AKNA: variants seen among roughly 807,000 people sequenced by gnomAD.
The protein encoded by AKNA is microtubule organization protein AKNA.
In AKNA, 67 loss-of-function variants were observed where a neutral mutation model predicts 138.8. The ratio of observed to expected loss-of-function variants is 0.48; its 90% CI spans 0.40 to 0.59. The LOEUF (loss-of-function observed/expected upper bound fraction) is 0.59, where lower values mean the gene tolerates loss of function less well. Among genes scored for constraint, AKNA ranks in the 20% least tolerant of loss-of-function variants. AKNA has a pLI of 0.00. For synonymous variants in AKNA, 737 were observed against 754.4 expected, an observed-to-expected ratio of 0.98 and a Z score of 0.38; for missense variants, 1,813 against 1,880.4, an observed-to-expected ratio of 0.96 and a Z score of 0.66.
At chr9:114,367,723 G>C (rs771296102) in intron 5 of AKNA, 26 bp from the exon 6 acceptor site, 34 of 1,530,366 alleles carry the variant, frequency 2.2e-5, no homozygotes, top group Non-Finnish European at 3.0e-5. Flanking sequence ...GCTGAAAGCT[G>C]GGGCCAAGAA....
intron 1 of AKNA, among the ~76,000 whole-genome samples, chr9:114,384,386 C>T (rs971205009): frequency 9.2e-5 from 14 of 152,096 alleles, no homozygotes; most frequent in African/African-American, 2.2e-4. Flanking sequence ...GCTTGGGCAA[C>T]GTGGCAAAAG....
chr9:114,397,038 T>C (rs1834555562), upstream of AKNA, among the ~76,000 whole-genome samples: 1 of 151,926 alleles, frequency 6.6e-6, no homozygotes, highest in Admixed American at 6.6e-5. Flanking sequence ...TCTGGCAGAG[T>C]CTGCAGGACG....
Position 114,337,182 on chromosome 9 carries a change from G to C in AKNA, c.4192C>G (p.Leu1398Val), listed in dbSNP as rs766488777. Residue 1398 changes from leucine to valine, a missense_variant, in exon 22 of 22, where the codon CTC becomes GTC. Coordinates refer to ENST00000374088, the MANE Select transcript of AKNA (RefSeq NM_001317950.2). ...ACGGCCCGGCTCAGGGCCTTGTTGA[G>C]CTCCTCTAGGTCGCCCAGGTCGAGC... ...IQLDLGDLEELNKALSRAVQA... is the reference protein window; with the variant it reads ...IQLDLGDLEEVNKALSRAVQA... 1 of 1,609,992 alleles carries C rather than the reference G, an allele frequency of 6.2e-7. No individual in the cohort carries two copies. Among genetic ancestry groups the C allele is most frequent in the East Asian group, 2.2e-5 (1 of 44,770 alleles).
chr9:114,343,297 A>C (rs910112186), intron 19 of AKNA, among the ~76,000 whole-genome samples: 5 of 152,212 alleles, frequency 3.3e-5, no homozygotes, highest in African/African-American at 1.2e-4. Context: ...GAACTGGCCT[A>C]AGGTCACACA....
At chr9:114,352,487 C>T (rs1278001657) in intron 14 of AKNA, among the ~76,000 whole-genome samples, 2 of 151,920 alleles carry the variant, frequency 1.3e-5, no homozygotes, top group Admixed American at 6.6e-5. Context: ...GTCCCAGCTA[C>T]TCGCGAGGCT....
chr9:114,372,096 G>A (rs1832808009), intron 4 of AKNA, among the ~76,000 whole-genome samples: 1 of 152,200 alleles, frequency 6.6e-6, no homozygotes, highest in Non-Finnish European at 1.5e-5. Flanking sequence ...AGATGGGGTT[G>A]GGCAGGAGAT....
At chr9:114,368,633 G>A (rs1832551892) in intron 4 of AKNA, 38 bp from the exon 5 acceptor site, 3 of 1,332,738 alleles carry the variant, frequency 2.3e-6, no homozygotes, top group East Asian at 2.8e-5. Flanking sequence ...CCAAGTCAGG[G>A]TAGGGGCAAA....
At chr9:114,349,502 C>T (rs942692088) in intron 15 of AKNA, among the ~76,000 whole-genome samples, 3 of 152,206 alleles carry the variant, frequency 2.0e-5, no homozygotes, top group African/African-American at 7.2e-5. Context: ...CCCGAGAACC[C>T]AGTCCCCATC....
In AKNA at chr9:114,376,871, A is replaced by C; in HGVS notation, c.936T>G (p.Ile312Met). The change falls in exon 3 of 22, where the codon ATT (isoleucine) becomes ATG (methionine). Residue 312 changes from isoleucine to methionine, a missense_variant. By Grantham distance (10) the Ile-to-Met change is conservative. Coordinates refer to ENST00000374088, the MANE Select transcript of AKNA (RefSeq NM_001317950.2). ...TSPKPLPSRFIGSISPLNPQP... is the reference protein window; with the variant it reads ...TSPKPLPSRFMGSISPLNPQP... ...GGGGATTCAGGGGGCTGATGGAGCC[A>C]ATGAATCGGGAAGGGAGTGGCTTAG... The C allele has an allele frequency of 6.2e-7, 1 of 1,614,144 alleles. No homozygotes were observed. Among genetic ancestry groups the C allele is most frequent in the Non-Finnish European group, 8.5e-7 (1 of 1,180,010 alleles).
chr9:114,377,318 A>C lies in AKNA; in HGVS notation c.489T>G (p.Leu163=). 2 of 1,614,118 alleles carry C rather than the reference A, an allele frequency of 1.2e-6. No individual in the cohort carries two copies. The highest frequency in any genetic ancestry group is 1.1e-5 in the South Asian group (1 of 91,080). Reference sequence around the variant, plus strand: ...CCCAGCCCCTGGCCTGACCATGCCCAAGAGCCATGGGGCTGGTGTTTCCAT... The same window carrying C: ...CCCAGCCCCTGGCCTGACCATGCCCCAGAGCCATGGGGCTGGTGTTTCCAT... ...EGHGNTSPMA[L]GHGQARGWVA... Residue 163 remains leucine (L), a synonymous_variant, in exon 3 of 22, where the codon CTT becomes CTG. Coordinates refer to ENST00000374088, the MANE Select transcript of AKNA (RefSeq NM_001317950.2).
chr9:114,388,416 C>T (rs1387730749), upstream of AKNA, among the ~76,000 whole-genome samples: 1 of 152,168 alleles, frequency 6.6e-6, no homozygotes, highest in Non-Finnish European at 1.5e-5. Context: ...GGTGAGAGCT[C>T]AGACTCAACA....
rs200380754 is a variant in AKNA at position 114,377,154 on chromosome 9, G to T, written c.653C>A (p.Thr218Asn). 8.7e-6 allele frequency: 14 copies of T among 1,614,170 alleles called. No individual in the cohort carries two copies. In the East Asian group the frequency reaches 3.1e-4, roughly 36 times the overall value. Residue 218 changes from threonine (T) to asparagine (N), a missense_variant, in exon 3 of 22, where the codon ACC (threonine) becomes AAC (asparagine). Thr to Asn is a moderately conservative substitution (Grantham distance 65). Coordinates refer to ENST00000374088, the MANE Select transcript of AKNA (RefSeq NM_001317950.2). ...GGGGCCATCGGTCTCTCCTTCCCAGGTAGAATCAAGGCTGTCACTAGGGTG... is the reference window on the plus strand; with the variant it reads ...GGGGCCATCGGTCTCTCCTTCCCAGTTAGAATCAAGGCTGTCACTAGGGTG... ...LDHPSDSLDS[T>N]WEGETDGPQP...
At chr9:114,359,336 TG>T in intron 11 of AKNA, 1 of 674,670 alleles carries the variant, frequency 1.5e-6, no homozygotes, top group Non-Finnish European at 2.3e-6. Context: ...CCCTCAATGC[TG>T]GGATTACAGG....
chr9:114,376,782 G>A lies in AKNA; in HGVS notation c.1025C>T (p.Ser342Phe), dbSNP rs200338881. ...PRQGATLAGR[S>F]SSNAPKYGRG... ...GCCATACTTGGGGGCATTAGAAGAG[G>A]AGCGGCCAGCCAGAGTGGCTCCCTG... Residue 342 changes from serine to phenylalanine, a missense_variant, in exon 3 of 22, where the codon TCC becomes TTC. Ser to Phe is a radical substitution (Grantham distance 155). Transcript: ENST00000374088. 1,109 of 1,612,380 alleles carry A rather than the reference G, an allele frequency of 6.9e-4. No homozygotes were observed. The highest frequency in any genetic ancestry group is 8.7e-4 in the Non-Finnish European group (1,021 of 1,178,990).
chr9:114,372,530 C>T (rs929533096), intron 4 of AKNA, among the ~76,000 whole-genome samples: 5 of 152,122 alleles, frequency 3.3e-5, no homozygotes, highest in Admixed American at 2.0e-4. Context: ...TATACTGACT[C>T]ATGCCCTTAA....
At chr9:114,341,753 A>C in intron 20 of AKNA, 28 bp from the exon 21 acceptor site, 1 of 1,535,292 alleles carries the variant, frequency 6.5e-7, no homozygotes, top group South Asian at 1.3e-5. Context: ...GCACAGAGAG[A>C]CAGAGTCTGA....
intron 14 of AKNA, 92 bp from the exon 15 acceptor site, chr9:114,351,113 G>C (rs927962423): frequency 5.9e-5 from 79 of 1,332,042 alleles, no homozygotes; most frequent in Non-Finnish European, 8.0e-5. Flanking sequence ...GGGAAGTGAA[G>C]AGACGGTGCC....
chr9:114,356,216 A>G (rs912538788), intron 13 of AKNA, 80 bp from the exon 14 acceptor site: 6 of 1,344,412 alleles, frequency 4.5e-6, no homozygotes, highest in African/African-American at 1.5e-5. Context: ...GCCCCTCCAC[A>G]TGCTAACCCA....
intron 21 of AKNA, among the ~76,000 whole-genome samples, chr9:114,337,805 A>AATG (rs148903247): frequency 6.6e-5 from 10 of 152,128 alleles, no homozygotes; most frequent in Non-Finnish European, 1.0e-4. Flanking sequence ...TAATAATAAT[A>AATG]ATAGGGATTC....
Sources: gnomAD v4.1 joint callset for allele counts (sites outside exome capture counted in the v4.1 genomes callset) on GRCh38, gnomAD v4.1.1 for gene constraint, MANE v1.5 for transcripts, NCBI Gene and HGNC (gene_info 2026-07-23, HGNC 2026-07-21) for gene names.